The following ACOX1 variants were observed in gnomAD, a reference collection of about 807,000 sequenced individuals.
The protein encoded by ACOX1 is acyl-CoA oxidase 1, also known as peroxisomal acyl-coenzyme A oxidase 1.
ACOX1 carries 41 observed loss-of-function variants against 75.5 expected under a neutral mutation model. The ratio of observed to expected loss-of-function variants is 0.54; its 90% CI spans 0.42 to 0.70. The LOEUF (loss-of-function observed/expected upper bound fraction) is 0.70. ACOX1 is among the 30% of genes least tolerant of loss of function. ACOX1 has a pLI of 0.00. For missense variants in ACOX1, 630 were observed against 837.5 expected, an observed-to-expected ratio of 0.75 and a Z score of 3.06; for synonymous variants, 303 against 298.8, an observed-to-expected ratio of 1.01 and a Z score of -0.15.
In ACOX1 at chr17:75,950,630, G is replaced by A. The variant is rs749300356; in HGVS notation, c.1298+144C>T. On this transcript the variant is annotated intron_variant, in intron 9 of 13. Coordinates refer to ENST00000293217, the MANE Select transcript of ACOX1 (RefSeq NM_004035.7). This position sits in a 1 kb window ranked among gnomAD's most constrained non-coding sequence, Gnocchi z 4.3. ...CTAGCCTCACCACGAAATAAAAACC[G>A]TGAGTCAGGATGGAAGGCAAAAGTA... 7 of 833,886 alleles carry A rather than the reference G, an allele frequency of 8.4e-6. No individual in the cohort carries two copies. Among genetic ancestry groups the A allele is most frequent in the African/African-American group, 3.4e-5 (2 of 58,366 alleles). 51.7% of individuals were successfully genotyped at this position (833,886 alleles called of 1,614,324 possible). A position where few individuals can be genotyped will look rare whatever the true frequency, so the allele number is the denominator to read the frequency against.
chr17:75,959,567 G>A (rs2065869799), intron 3 of ACOX1, among the ~76,000 whole-genome samples: 1 of 152,182 alleles, frequency 6.6e-6, no homozygotes, highest in Non-Finnish European at 1.5e-5. Context: ...AGGAACAGCG[G>A]CCACCTCCAG....
intron 7 of ACOX1, among the ~76,000 whole-genome samples, chr17:75,951,867 T>G (rs141589844): frequency 1.4e-5 from 2 of 146,404 alleles, no homozygotes; most frequent in African/African-American, 5.2e-5. Context: ...CAGGCTTTAG[T>G]GCAGTGGTGC....
In ACOX1 at chr17:75,950,718, A is replaced by G. The variant is rs1252505762; in HGVS notation, c.1298+56T>C. 3.2e-6 allele frequency: 5 copies of G among 1,568,484 alleles called. No individual in the cohort carries two copies. The South Asian group carries it at 4.5e-5, about 14-fold the overall frequency. On this transcript the variant is annotated intron_variant, in intron 9 of 13. Transcript: ENST00000293217. This position sits in a 1 kb window ranked among gnomAD's most constrained non-coding sequence, Gnocchi z 4.3. ...AAACCATGGGAACAAGAACCTAGGA[A>G]AAGGACTAGAACATTCTTATGAACA...
At chr17:75,976,160 T>C (rs2066048595) in intron 2 of ACOX1, among the ~76,000 whole-genome samples, 1 of 152,210 alleles carries the variant, frequency 6.6e-6, no homozygotes, top group Non-Finnish European at 1.5e-5. Flanking sequence ...ACTTAAAAAC[T>C]GATCTCCTTG....
intron 13 of ACOX1, among the ~76,000 whole-genome samples, chr17:75,947,248 G>GTT (rs55857840): frequency 0.21 from 28,285 of 137,350 alleles, 2,996 homozygotes; most frequent in Non-Finnish European, 0.23. Flanking sequence ...TGATGTCTTA[G>GTT]TTTTTTTTTT....
intron 2 of ACOX1, among the ~76,000 whole-genome samples, chr17:75,970,757 A>G (rs537384926): frequency 6.6e-5 from 10 of 152,308 alleles, no homozygotes; most frequent in African/African-American, 2.4e-4. Flanking sequence ...GTTAGATCTC[A>G]TTCTATATAA....
chr17:75,951,649 A>C, intron 7 of ACOX1, 72 bp from the exon 8 acceptor site: 1 of 1,489,202 alleles, frequency 6.7e-7, no homozygotes, highest in South Asian at 1.1e-5. Flanking sequence ...GCCAGGTTCT[A>C]ATCTAAGCAC....
In ACOX1 at chr17:75,943,109, C is replaced by T. The variant is rs2065687595; in HGVS notation, c.*3639G>A. 1 of 151,668 alleles carries T rather than the reference C, an allele frequency of 6.6e-6. No individual in the cohort carries two copies. The highest frequency in any genetic ancestry group is 1.5e-5 in the Non-Finnish European group (1 of 67,994). The allele number at this position is 151,668 out of a possible 1,614,324, so 9.4% of individuals were successfully genotyped here. A position where few individuals can be genotyped will look rare whatever the true frequency, so the allele number is the denominator to read the frequency against. On this transcript the variant is annotated 3_prime_UTR_variant, in exon 14 of 14. Transcript: ENST00000293217. ...AGCGTGATGGCAGGTGCCTGTAATC[C>T]CAGCTACTCAGGAGGCTGAGGTGGG...
rs1375086976 is a variant in ACOX1 at position 75,946,040 on chromosome 17, TA to T, written c.*707del. On this transcript the variant is annotated 3_prime_UTR_variant, in exon 14 of 14. Transcript: ENST00000293217. Reference sequence around the variant, plus strand: ...CAGTGCCACAGCTGAGAGGTTTCCCTATACTTCCTACTACTGTGACAATTTA... The same window carrying T: ...CAGTGCCACAGCTGAGAGGTTTCCCTTACTTCCTACTACTGTGACAATTTA... 6.5e-6 allele frequency: 1 copy of T among 153,568 alleles called. No homozygotes were observed. Among genetic ancestry groups the T allele is most frequent in the Non-Finnish European group, 1.4e-5 (1 of 69,042 alleles). 9.5% of individuals were successfully genotyped at this position (153,568 alleles called of 1,614,324 possible).
intron 2 of ACOX1, among the ~76,000 whole-genome samples, chr17:75,976,734 G>A (rs930864484): frequency 3.9e-5 from 6 of 152,084 alleles, no homozygotes; most frequent in African/African-American, 7.2e-5. Context: ...GCTGAAAATC[G>A]ATACCAAAGG....
intron 13 of ACOX1, among the ~76,000 whole-genome samples, chr17:75,947,086 T>C (rs992950488): frequency 3.3e-5 from 5 of 151,988 alleles, no homozygotes; most frequent in African/African-American, 1.2e-4. Context: ...GCCAGGCTGG[T>C]CTAGAACTCC....
At chr17:75,952,222 GTGT>G (rs2065781001) in intron 7 of ACOX1, among the ~76,000 whole-genome samples, 1 of 152,164 alleles carries the variant, frequency 6.6e-6, no homozygotes, top group Admixed American at 6.5e-5. Context: ...CCAATGGATG[GTGT>G]TAAATATTTT....
Position 75,965,337 on chromosome 17 carries a change from C to CAA in ACOX1, c.270-4964_270-4963dup, listed in dbSNP as rs11293371. ...TGGGCGACAGAGCGAGACTCTGTCTCAAAAAAAAAAAAAAAAAACCCAGAA... is the reference window on the plus strand; with the variant it reads ...TGGGCGACAGAGCGAGACTCTGTCTCAAAAAAAAAAAAAAAAAAAACCCAGAA... On this transcript the variant is annotated intron_variant, in intron 2 of 13. Coordinates refer to ENST00000293217, the MANE Select transcript of ACOX1 (RefSeq NM_004035.7). Among the ~76,000 whole-genome samples, 453 of 81,494 alleles carry CAA rather than the reference C, an allele frequency of 5.6e-3. 11 individuals are homozygous for CAA. In the East Asian group the frequency reaches 0.081, roughly 15 times the overall value. 53.5% of individuals were successfully genotyped at this position (81,494 alleles called of 152,430 possible). A position where few individuals can be genotyped will look rare whatever the true frequency, so the allele number is the denominator to read the frequency against.
Position 75,955,613 on chromosome 17 carries a change from C to T in ACOX1, c.727G>A (p.Asp243Asn). The change falls in exon 6 of 14, where the codon GAC becomes AAC. Residue 243 changes from aspartate (D) to asparagine (N), a missense_variant. By Grantham distance (23) the Asp-to-Asn change is conservative (BLOSUM62 1). Transcript: ENST00000293217. ...TTTTCTCTGGGAATACGATGGTTGT[C>T]CATTTTGAGGTAGCCATTGTCTATC... ...DEIDNGYLKM[D>N]NHRIPRENML... 1 of 1,614,194 alleles carries T rather than the reference C, an allele frequency of 6.2e-7. No homozygotes were observed. Among genetic ancestry groups the T allele is most frequent in the Non-Finnish European group, 8.5e-7 (1 of 1,180,026 alleles).
chr17:75,964,697 C>T (rs2065914598), intron 2 of ACOX1, among the ~76,000 whole-genome samples: 1 of 152,058 alleles, frequency 6.6e-6, no homozygotes, highest in African/African-American at 2.4e-5. Context: ...TTGACTTAAG[C>T]CAAGTATTTG....
At chr17:75,947,011 G>C (rs535051250) in intron 13 of ACOX1, among the ~76,000 whole-genome samples, 2 of 151,928 alleles carry the variant, frequency 1.3e-5, no homozygotes, top group South Asian at 2.1e-4. Flanking sequence ...TAGAACTACA[G>C]GTGTGTGCCA....
chr17:75,971,434 C>T (rs1018937972), intron 2 of ACOX1, among the ~76,000 whole-genome samples: 2 of 151,914 alleles, frequency 1.3e-5, no homozygotes, highest in African/African-American at 2.4e-5. Context: ...TTCCTTTCTT[C>T]CTCTCTCCTT....
chr17:75,947,277 C>G (rs1048407568), intron 13 of ACOX1, among the ~76,000 whole-genome samples: 2 of 147,804 alleles, frequency 1.4e-5, no homozygotes, highest in Non-Finnish European at 1.5e-5. Flanking sequence ...AACGGAGCCT[C>G]GCTCTTGTTG....
chr17:75,978,839 A>G lies in ACOX1; in HGVS notation c.109+126T>C, dbSNP rs997264141. The G allele has an allele frequency of 3.8e-6, 6 of 1,597,958 alleles. No individual in the cohort carries two copies. Among genetic ancestry groups the G allele is most frequent in the East Asian group, 2.2e-5 (1 of 44,804 alleles). On this transcript the variant is annotated intron_variant, in intron 1 of 13. Coordinates refer to ENST00000293217, the MANE Select transcript of ACOX1 (RefSeq NM_004035.7). This position sits in a 1 kb window ranked among gnomAD's most constrained non-coding sequence, Gnocchi z 4.2. ...ACCAGGGACACAGGCTGTTCCTCGA[A>G]GTGGGGGTCCCGGCTCCCCTAACGC... is the stretch of plus-strand genomic sequence containing the variant.
Sources: gnomAD v4.1 joint callset for allele counts (sites outside exome capture counted in the v4.1 genomes callset) on GRCh38, gnomAD v4.1.1 for gene constraint, Gnocchi (gnomAD v3.1) non-coding constraint, MANE v1.5 for transcripts, NCBI Gene and HGNC (gene_info 2026-07-23, HGNC 2026-07-21) for gene names.